SOX6: variants seen among roughly 807,000 people sequenced by gnomAD.
SOX6 encodes the protein transcription factor SOX-6.
A neutral mutation model predicts 97.8 loss-of-function variants in SOX6; 11 were observed. That is an observed-to-expected ratio of 0.11 (90% CI 0.07 to 0.19). The LOEUF (loss-of-function observed/expected upper bound fraction) is 0.19. Ranked by LOEUF, SOX6 falls within the 10% of genes least tolerant of loss-of-function variation. The pLI is 1.00. For missense variants in SOX6, 810 were observed against 1,039.5 expected, an observed-to-expected ratio of 0.78 and a Z score of 3.04; for synonymous variants, 360 against 371.4, an observed-to-expected ratio of 0.97 and a Z score of 0.35.
rs145911244 is a variant in SOX6, at chr11:16,413,296, C to T, written c.-5+63019G>A. ...CCTTCTCTTACTTCAGAGACAGCTA[C>T]CCCAAGTAATCATTCCATCATCCCC... On this transcript the variant is annotated intron_variant, in intron 1 of 15. Transcript: ENST00000396356. Among the ~76,000 whole-genome samples the T allele has an allele frequency of 1.3e-3, 200 of 152,154 alleles. 3 individuals are homozygous for T. The East Asian group carries it at 0.037, about 28-fold the overall frequency.
At chr11:16,213,029 T>G (rs1852270540) in intron 4 of SOX6, among the ~76,000 whole-genome samples, 1 of 152,180 alleles carries the variant, frequency 6.6e-6, no homozygotes, top group Non-Finnish European at 1.5e-5. Context: ...CAGGAGACCT[T>G]GAGGTCATCT....
chr11:16,260,069 G>A (rs568315366), intron 3 of SOX6, among the ~76,000 whole-genome samples: 3 of 151,626 alleles, frequency 2.0e-5, no homozygotes, highest in Non-Finnish European at 4.4e-5. Context: ...GCCCAATCTC[G>A]GCTCACAGCA....
intron 4 of SOX6, among the ~76,000 whole-genome samples, chr11:16,503,462 A>G (rs1326057233): frequency 6.6e-6 from 1 of 152,216 alleles, no homozygotes; most frequent in Non-Finnish European, 1.5e-5. Flanking sequence ...CCTTTAATGT[A>G]AAAGGATTAA....
chr11:15,980,527 C>T (rs1192663141), intron 15 of SOX6, among the ~76,000 whole-genome samples: 1 of 152,088 alleles, frequency 6.6e-6, no homozygotes, highest in African/African-American at 2.4e-5. Context: ...TAGCTAATTA[C>T]AGTTGAAGAA....
intron 1 of SOX6, among the ~76,000 whole-genome samples, chr11:16,437,423 G>A (rs963919103): frequency 5.3e-5 from 8 of 152,166 alleles, no homozygotes; most frequent in East Asian, 1.9e-4. Flanking sequence ...CATGACAGCA[G>A]AGATGTTTTA....
At chr11:16,536,629 C>A (rs1485740847) in intron 4 of SOX6, among the ~76,000 whole-genome samples, 1 of 152,230 alleles carries the variant, frequency 6.6e-6, no homozygotes, top group East Asian at 1.9e-4. Flanking sequence ...ATCTTAGCAA[C>A]CGGCAGACCA....
chr11:16,151,133 C>T (rs920512991), intron 6 of SOX6, among the ~76,000 whole-genome samples: 1 of 151,920 alleles, frequency 6.6e-6, no homozygotes, highest in Non-Finnish European at 1.5e-5. Context: ...TTGACATATG[C>T]AATATATTTT....
intron 9 of SOX6, among the ~76,000 whole-genome samples, chr11:16,079,914 T>TA (rs1848435784): frequency 6.6e-6 from 1 of 151,992 alleles, no homozygotes; most frequent in Non-Finnish European, 1.5e-5. Flanking sequence ...TCAACCATAG[T>TA]AAAAATCATT....
intron 6 of SOX6, among the ~76,000 whole-genome samples, chr11:16,124,787 T>C (rs897542676): frequency 2.6e-5 from 4 of 152,058 alleles, no homozygotes; most frequent in African/African-American, 9.7e-5. Context: ...CCATGAGACC[T>C]ATTTAAGTTT....
rs755479047 is a variant in SOX6 at position 16,692,056 on chromosome 11, C to CGTGTGTGTGT, written n.429+22764_429+22773dup. Among the ~76,000 whole-genome samples the CGTGTGTGTGT allele has an allele frequency of 4.0e-3, 581 of 144,360 alleles. 3 individuals carry two copies. Among genetic ancestry groups the CGTGTGTGTGT allele is most frequent in the Middle Eastern group, 0.018 (5 of 280 alleles). The allele number at this position is 144,360 out of a possible 152,430, so 94.7% of individuals were successfully genotyped here. ...TCACTGAAGTTTTGATTTGCGTGTG[C>CGTGTGTGTGT]GTGTGTGTGTGTGTGTGTGTGTGTG... On this transcript the variant is annotated intron_variant and non_coding_transcript_variant, in intron 3 of 5. Coordinates refer to the SOX6 transcript ENST00000524520.
intron 1 of SOX6, among the ~76,000 whole-genome samples, chr11:16,344,095 A>G (rs1039233069): frequency 1.3e-5 from 2 of 151,850 alleles, no homozygotes; most frequent in Non-Finnish European, 2.9e-5. Context: ...CAAATCATAT[A>G]ATTTCTTGTT....
intron 4 of SOX6, among the ~76,000 whole-genome samples, chr11:16,503,395 G>A (rs1481715183): frequency 6.6e-6 from 1 of 152,084 alleles, no homozygotes; most frequent in African/African-American, 2.4e-5. Flanking sequence ...TGTAGGCAAA[G>A]CAAACAGAAA....
chr11:16,668,980 T>A (rs1847828062), intron 3 of SOX6, among the ~76,000 whole-genome samples: 1 of 152,174 alleles, frequency 6.6e-6, no homozygotes, highest in Non-Finnish European at 1.5e-5. Flanking sequence ...ACTGAACAAA[T>A]TATTCAGACA....
intron 4 of SOX6, among the ~76,000 whole-genome samples, chr11:16,547,722 G>C (rs1847638064): frequency 6.6e-6 from 1 of 152,110 alleles, no homozygotes; most frequent in African/African-American, 2.4e-5. Context: ...TGATAGCAAA[G>C]TAGAGTGATT....
chr11:16,180,017 G>A (rs534441920), intron 6 of SOX6, among the ~76,000 whole-genome samples: 281 of 151,684 alleles, frequency 1.9e-3, no homozygotes, highest in African/African-American at 6.6e-3. Context: ...TGTTCCTATT[G>A]ATGTGCTATA....
At chr11:16,339,026 T>C (rs534804658) in intron 2 of SOX6, among the ~76,000 whole-genome samples, 64 of 152,196 alleles carry the variant, frequency 4.2e-4, no homozygotes, top group Admixed American at 1.0e-3. Context: ...TATTTGTCTA[T>C]GACTAGATTT....
At chr11:16,731,029 C>A (rs1171927284) in intron 2 of SOX6, among the ~76,000 whole-genome samples, 1 of 152,100 alleles carries the variant, frequency 6.6e-6, no homozygotes, top group Admixed American at 6.5e-5. Context: ...ACAGCTACAT[C>A]CTCCCAAGAC....
At chr11:16,514,804 T>C (rs1306049757) in intron 4 of SOX6, among the ~76,000 whole-genome samples, 1 of 151,222 alleles carries the variant, frequency 6.6e-6, no homozygotes, top group South Asian at 2.1e-4. Context: ...GTGTTTGGCT[T>C]TTTGTGCTTG....
intron 3 of SOX6, among the ~76,000 whole-genome samples, chr11:16,686,026 A>G (rs923327787): frequency 6.6e-6 from 1 of 152,238 alleles, no homozygotes. Context: ...TGCAGCAGCC[A>G]TGATGCGGAA....
Sources: allele counts gnomAD v4.1 joint callset (sites outside exome capture counted in the v4.1 genomes callset), GRCh38; gene constraint gnomAD v4.1.1; transcripts MANE v1.5; gene names NCBI Gene and HGNC (gene_info 2026-07-23, HGNC 2026-07-21).